The following PLCL1 variants were observed in gnomAD, a reference collection of about 807,000 sequenced individuals.
PLCL1 encodes phospholipase C like 1 (inactive).
In PLCL1, 41 loss-of-function variants were observed where a neutral mutation model predicts 84.4. The observed-to-expected ratio is 0.49, with a 90% CI of 0.38 to 0.63. The LOEUF (loss-of-function observed/expected upper bound fraction) is 0.63, where lower values mean the gene tolerates loss of function less well. PLCL1 is among the 30% of genes least tolerant of loss of function. The pLI, the probability that PLCL1 is intolerant of heterozygous loss-of-function variation, is 0.00. For synonymous variants in PLCL1, 490 were observed against 488.3 expected (o/e 1.00, Z -0.05); for missense variants, 1,206 against 1,367.8 (o/e 0.88, Z 1.87).
intron 1 of PLCL1, among the ~76,000 whole-genome samples, chr2:197,935,035 C>T (rs74350577): frequency 2.7e-3 from 408 of 152,182 alleles, no homozygotes; most frequent in Non-Finnish European, 4.4e-3. Flanking sequence ...TGAAAAAATG[C>T]TCAACATCAC....
At chr2:198,113,874 A>G (rs1333728514) in intron 5 of PLCL1, among the ~76,000 whole-genome samples, 4 of 151,858 alleles carry the variant, frequency 2.6e-5, no homozygotes, top group African/African-American at 9.7e-5. Context: ...CTTCTAAAAT[A>G]TAATCTGCAG....
At chr2:198,000,008 A>C (rs973004207) in intron 1 of PLCL1, among the ~76,000 whole-genome samples, 2 of 152,184 alleles carry the variant, frequency 1.3e-5, no homozygotes, top group Non-Finnish European at 2.9e-5. Flanking sequence ...TAAATATACA[A>C]ATTTCCACTT....
At chr2:198,088,178 T>A (rs1281280856) in intron 2 of PLCL1, among the ~76,000 whole-genome samples, 1 of 152,134 alleles carries the variant, frequency 6.6e-6, no homozygotes, top group Non-Finnish European at 1.5e-5. Context: ...TGTATCCAGG[T>A]AGCGTTGATA....
intron 1 of PLCL1, among the ~76,000 whole-genome samples, chr2:197,860,680 G>T (rs1198219706): frequency 6.6e-6 from 1 of 152,018 alleles, no homozygotes; most frequent in Admixed American, 6.6e-5. Flanking sequence ...TGCCTCTTTT[G>T]AAAAGTGTCT....
chr2:198,091,705 TAAAATAA>T (rs1693045500), intron 3 of PLCL1, among the ~76,000 whole-genome samples: 1 of 44,106 alleles, frequency 2.3e-5, no homozygotes. Context: ...TAAAATAAAA[TAAAATAA>T]AATAAAATAA....
chr2:198,122,751 T>C (rs1693897289), intron 5 of PLCL1, among the ~76,000 whole-genome samples: 2 of 152,130 alleles, frequency 1.3e-5, no homozygotes, highest in South Asian at 4.1e-4. Context: ...TGTTCCAGTT[T>C]TAAAATATAT....
At chr2:197,926,739 T>C (rs1327092063) in intron 1 of PLCL1, among the ~76,000 whole-genome samples, 2 of 152,206 alleles carry the variant, frequency 1.3e-5, no homozygotes, top group Non-Finnish European at 2.9e-5. Context: ...TGGTTATCAG[T>C]TGCTGCAAAA....
intron 1 of PLCL1, among the ~76,000 whole-genome samples, chr2:198,069,161 G>GTT (rs536388625): frequency 9.7e-5 from 14 of 144,182 alleles, no homozygotes; most frequent in Non-Finnish European, 1.1e-4. Context: ...CCACCTGGCA[G>GTT]TTTTTTTTTT....
At chr2:198,053,974 C>G (rs1247889751) in intron 1 of PLCL1, among the ~76,000 whole-genome samples, 1 of 152,194 alleles carries the variant, frequency 6.6e-6, no homozygotes, top group African/African-American at 2.4e-5. Flanking sequence ...TTGCCTTTCT[C>G]TCTTGGGAAA....
intron 1 of PLCL1, among the ~76,000 whole-genome samples, chr2:197,979,901 T>TTCATTCAC (rs1690068745): frequency 6.6e-6 from 1 of 152,188 alleles, no homozygotes; most frequent in African/African-American, 2.4e-5. Context: ...TCCTATACCA[T>TTCATTCAC]TCATTCACTC....
chr2:197,844,092 C>T (rs1687070894), intron 1 of PLCL1, among the ~76,000 whole-genome samples: 1 of 152,092 alleles, frequency 6.6e-6, no homozygotes, highest in South Asian at 2.1e-4. Context: ...AGCTTATGGA[C>T]ATTACTATTT....
chr2:197,906,398 T>C (rs1688383096), intron 1 of PLCL1, among the ~76,000 whole-genome samples: 1 of 152,040 alleles, frequency 6.6e-6, no homozygotes, highest in Non-Finnish European at 1.5e-5. Flanking sequence ...TTCTGAGTTC[T>C]CTGTTCTGTT....
chr2:197,964,451 A>G (rs995685491), intron 1 of PLCL1, among the ~76,000 whole-genome samples: 9 of 152,116 alleles, frequency 5.9e-5, no homozygotes, highest in Admixed American at 5.2e-4. Context: ...TTGATTTTGT[A>G]TCCTGTAACT....
intron 1 of PLCL1, among the ~76,000 whole-genome samples, chr2:198,032,972 C>T (rs1691461632): frequency 6.6e-6 from 1 of 152,080 alleles, no homozygotes; most frequent in African/African-American, 2.4e-5. Context: ...AATCCCTAGC[C>T]CAGCTTCCTA....
chr2:198,084,498 A>C lies in PLCL1; in HGVS notation c.981A>C (p.Lys327Asn), dbSNP rs1307500692. 6.2e-7 allele frequency: 1 copy of C among 1,613,994 alleles called. No individual in the cohort carries two copies. Among genetic ancestry groups the C allele is most frequent in the East Asian group, 2.2e-5 (1 of 44,898 alleles). The change falls in exon 2 of 6, where the codon AAA becomes AAC. Residue 327 changes from lysine (K) to asparagine (N), a missense_variant. Physicochemically the swap from Lys to Asn is moderately conservative, Grantham distance 94. Coordinates refer to ENST00000428675, the MANE Select transcript of PLCL1 (RefSeq NM_006226.4). The part of the protein sequence containing the change: ...YFLLVQISKN[K>N]EYLDANDLML... ...TACTTGTACAGATATCTAAAAACAAAGAATATTTGGATGCCAATGATCTCA... is the reference window on the plus strand; with the variant it reads ...TACTTGTACAGATATCTAAAAACAACGAATATTTGGATGCCAATGATCTCA...
At chr2:198,031,207 C>CAAAAA (rs58115602) in intron 1 of PLCL1, among the ~76,000 whole-genome samples, 2 of 79,678 alleles carry the variant, frequency 2.5e-5, no homozygotes, top group Admixed American at 1.4e-4. Flanking sequence ...CTTGTCTCTA[C>CAAAAA]AAAAAAAAAA....
At chr2:197,949,319 G>A (rs1156949696) in intron 1 of PLCL1, among the ~76,000 whole-genome samples, 1 of 152,124 alleles carries the variant, frequency 6.6e-6, no homozygotes, top group Admixed American at 6.5e-5. Context: ...TTGTGAATGA[G>A]CAGGTGGAAT....
intron 1 of PLCL1, among the ~76,000 whole-genome samples, chr2:197,939,905 TAAAC>T (rs1004860404): frequency 1.2e-4 from 18 of 151,950 alleles, no homozygotes; most frequent in Non-Finnish European, 2.1e-4. Flanking sequence ...CTGGGTAACT[TAAAC>T]AACCCCCAAA....
intron 5 of PLCL1, among the ~76,000 whole-genome samples, chr2:198,127,018 T>C (rs1434286): frequency 9.5e-6 from 1 of 104,980 alleles, no homozygotes; most frequent in Non-Finnish European, 2.1e-5. Flanking sequence ...GTGTGGGGGG[T>C]GGTGTATTCT....
Sources: gnomAD v4.1 joint callset for allele counts (sites outside exome capture counted in the v4.1 genomes callset) on GRCh38, gnomAD v4.1.1 for gene constraint, MANE v1.5 for transcripts, NCBI Gene and HGNC (gene_info 2026-07-23, HGNC 2026-07-21) for gene names.